PLEK2: variants seen among roughly 807,000 people sequenced by gnomAD.
The protein encoded by PLEK2 is pleckstrin-2.
PLEK2 carries 29 observed loss-of-function variants against 43.8 expected under a neutral mutation model. The ratio of observed to expected loss-of-function variants is 0.66; its 90% CI spans 0.49 to 0.90. PLEK2 has a LOEUF of 0.90. PLEK2 is among the 40% of genes least tolerant of loss of function. The pLI is 0.00. For missense variants in PLEK2, 398 were observed against 448.1 expected, an observed-to-expected ratio of 0.89 and a Z score of 1.01; for synonymous variants, 162 against 173.2, an observed-to-expected ratio of 0.94 and a Z score of 0.51.
At chr14:67,393,948 G>A (rs998758754) in intron 3 of PLEK2, among the ~76,000 whole-genome samples, 6 of 152,150 alleles carry the variant, frequency 3.9e-5, no homozygotes, top group African/African-American at 1.4e-4. Flanking sequence ...GTGATTCGCT[G>A]TCTCTAGGCC....
intron 1 of PLEK2, among the ~76,000 whole-genome samples, chr14:67,408,818 C>T (rs537725369): frequency 2.4e-4 from 36 of 152,250 alleles, no homozygotes; most frequent in Non-Finnish European, 4.9e-4. Context: ...TACATTTTAT[C>T]ACTTTACTCT....
chr14:67,396,199 G>C (rs1330680698), intron 2 of PLEK2, among the ~76,000 whole-genome samples: 1 of 151,718 alleles, frequency 6.6e-6, no homozygotes, highest in Non-Finnish European at 1.5e-5. Flanking sequence ...CCAGGCTGGA[G>C]TACAATGGTG....
At chr14:67,411,977 GC>G in intron 1 of PLEK2, 40 bp downstream of exon 1, 1 of 1,508,930 alleles carries the variant, frequency 6.6e-7, no homozygotes. Context: ...CGTCGGCGGG[GC>G]CCCACCCGGG....
chr14:67,397,663 G>A lies in PLEK2; in HGVS notation c.206C>T (p.Pro69Leu), dbSNP rs777210790. 30 of 1,609,022 alleles carry A rather than the reference G, an allele frequency of 1.9e-5. No individual in the cohort carries two copies. Among genetic ancestry groups the A allele is most frequent in the African/African-American group, 1.2e-4 (9 of 74,898 alleles). Reference protein sequence around the residue: ...TCPCLEYENRPLLIKLKTQTS... With the variant: ...TCPCLEYENRLLLIKLKTQTS... ...TGGACAGCAGGGGCCATCACTTACCGGTCGGTTTTCATACTCCAGGCAGGG... is the reference window on the plus strand; with the variant it reads ...TGGACAGCAGGGGCCATCACTTACCAGTCGGTTTTCATACTCCAGGCAGGG... Residue 69 changes from proline (P) to leucine (L), a missense_variant and splice_region_variant, in exon 2 of 9, where the codon CCG (proline) becomes CTG (leucine). Pro to Leu is a moderately conservative substitution (Grantham distance 98). Coordinates refer to ENST00000216446, the MANE Select transcript of PLEK2 (RefSeq NM_016445.3).
chr14:67,393,233 A>G lies in PLEK2; in HGVS notation c.398T>C (p.Val133Ala). ...GGTGTTGCTATCGTGCATCTTGTCCACAATGCGACTACATGGAAGGGAAGG... is the reference window on the plus strand; with the variant it reads ...GGTGTTGCTATCGTGCATCTTGTCCGCAATGCGACTACATGGAAGGGAAGG... ...LPPHISLHRIVDKMHDSNTGI... is the reference protein window; with the variant it reads ...LPPHISLHRIADKMHDSNTGI... The change falls in exon 4 of 9, where the codon GTG becomes GCG. Residue 133 changes from valine to alanine, a missense_variant. Physicochemically the swap from Val to Ala is moderately conservative, Grantham distance 64. Transcript: ENST00000216446. 6.2e-7 allele frequency: 1 copy of G among 1,612,728 alleles called. No individual in the cohort carries two copies. The highest frequency in any genetic ancestry group is 8.5e-7 in the Non-Finnish European group (1 of 1,178,748).
chr14:67,411,917 C>T, intron 1 of PLEK2, 101 bp downstream of exon 1: 2 of 1,113,168 alleles, frequency 1.8e-6, no homozygotes, highest in Non-Finnish European at 2.5e-6. Flanking sequence ...GGATGGGAAC[C>T]AGAGCATGCC....
At position 67,392,760 on chromosome 14, in the gene PLEK2, TCTC is replaced by T. The variant is rs770392317; in HGVS notation, c.568_570del (p.Glu190del). ...CGGACACCCACAGGCCTGAGGAAGTTCTCCTCCATGAGCATGGAGGCCAGGGTC... is the reference window on the plus strand; with the variant it reads ...CGGACACCCACAGGCCTGAGGAAGTTCTCCATGAGCATGGAGGCCAGGGTC... On this transcript the variant is annotated inframe_deletion, in exon 5 of 9. Coordinates refer to ENST00000216446, the MANE Select transcript of PLEK2 (RefSeq NM_016445.3). 2.2e-5 allele frequency: 36 copies of T among 1,613,902 alleles called. No individual in the cohort carries two copies. The highest frequency in any genetic ancestry group is 1.6e-4 in the Middle Eastern group (1 of 6,084).
rs146989539 is a variant in PLEK2, at chr14:67,388,233, C to T, written c.925G>A (p.Val309Ile). 17 of 1,610,910 alleles carry T rather than the reference C, an allele frequency of 1.1e-5. No individual in the cohort carries two copies. Among genetic ancestry groups the T allele is most frequent in the South Asian group, 4.4e-5 (4 of 90,974 alleles). Reference sequence around the variant, plus strand: ...TGAAGTTGTACCTTACCAGTGGGAACGCCATTATCTTCCAGAGCAGACACG... The same window carrying T: ...TGAAGTTGTACCTTACCAGTGGGAATGCCATTATCTTCCAGAGCAGACACG... ...SLVSALEDNG[V>I]PTGVKGNVQG... Residue 309 changes from valine to isoleucine, a missense_variant, in exon 8 of 9, where the codon GTT (valine) becomes ATT (isoleucine). Transcript: ENST00000216446.
At chr14:67,390,804 G>A (rs1256553440) in intron 6 of PLEK2, 58 bp from the exon 7 acceptor site, 2 of 1,186,396 alleles carry the variant, frequency 1.7e-6, no homozygotes, top group African/African-American at 1.5e-5. Context: ...CCTCTCTCCT[G>A]TATCTATGCA....
At chr14:67,404,978 A>C (rs1254897820) in intron 1 of PLEK2, among the ~76,000 whole-genome samples, 1 of 152,074 alleles carries the variant, frequency 6.6e-6, no homozygotes, top group Non-Finnish European at 1.5e-5. Context: ...TCACACCTGT[A>C]ATCCCAGAAT....
At chr14:67,392,625 T>A (rs1199164477) in intron 5 of PLEK2, 37 bp downstream of exon 5, 1 of 1,573,184 alleles carries the variant, frequency 6.4e-7, no homozygotes, top group Non-Finnish European at 8.7e-7. Flanking sequence ...CCTTAACTTT[T>A]GCCCTGGTGG....
In PLEK2 at chr14:67,393,171, T is replaced by C; in HGVS notation, c.460A>G (p.Thr154Ala). 5 of 1,613,484 alleles carry C rather than the reference T, an allele frequency of 3.1e-6. 1 individual carries two copies. The highest frequency in any genetic ancestry group is 4.2e-6 in the Non-Finnish European group (5 of 1,179,390). The stretch of plus-strand genomic sequence containing the variant: ...TCACCGAGGAAGGTCTTTTTATAGG[T>C]GCTTCCCTGCTCCATGTTGGGGCTT... ...RSSPNMEQGS[T>A]YKKTFLGSSL... The change falls in exon 4 of 9, where the codon ACC becomes GCC. Residue 154 changes from threonine (T) to alanine (A), a missense_variant. By Grantham distance (58) the Thr-to-Ala change is moderately conservative (BLOSUM62 0). Transcript: ENST00000216446.
In PLEK2 at chr14:67,387,068, A is replaced by G. The variant is rs900002305; in HGVS notation, c.*261T>C. The G allele has an allele frequency of 3.3e-6, 1 of 301,428 alleles. No individual in the cohort carries two copies. The highest frequency in any genetic ancestry group is 6.1e-6 in the Non-Finnish European group (1 of 164,620). The allele number at this position is 301,428 out of a possible 1,614,324, so 18.7% of individuals were successfully genotyped here. A position where few individuals can be genotyped will look rare whatever the true frequency, so the allele number is the denominator to read the frequency against. The stretch of plus-strand genomic sequence containing the variant: ...GGGAACCTACTTTGGTGCCCGAGGA[A>G]ATGGCTGTTTGTGATGCTGGGGAAA... On this transcript the variant is annotated 3_prime_UTR_variant, in exon 9 of 9. Coordinates refer to ENST00000216446, the MANE Select transcript of PLEK2 (RefSeq NM_016445.3).
intron 1 of PLEK2, among the ~76,000 whole-genome samples, chr14:67,401,594 A>G (rs1048606122): frequency 6.6e-6 from 1 of 152,186 alleles, no homozygotes; most frequent in African/African-American, 2.4e-5. Flanking sequence ...CTCAGGACAC[A>G]GTGAGGAGGT....
At chr14:67,392,998 G>A (rs377469737) in intron 4 of PLEK2, 149 bp from the exon 5 acceptor site, 21 of 866,180 alleles carry the variant, frequency 2.4e-5, no homozygotes, top group East Asian at 1.5e-4. Flanking sequence ...GCATAGAGCC[G>A]TGGCTGCACA....
chr14:67,395,812 AG>A (rs2086004391), intron 2 of PLEK2, among the ~76,000 whole-genome samples: 1 of 152,170 alleles, frequency 6.6e-6, no homozygotes, highest in African/African-American at 2.4e-5. Flanking sequence ...TAGTTACTGT[AG>A]GGCCTGCCTC....
chr14:67,402,134 A>AAAC (rs965328951), intron 1 of PLEK2, among the ~76,000 whole-genome samples: 1 of 152,170 alleles, frequency 6.6e-6, no homozygotes, highest in Non-Finnish European at 1.5e-5. Flanking sequence ...AGTCCATCTC[A>AAAC]AACAACAACA....
chr14:67,394,332 G>C (rs959793751), intron 3 of PLEK2, among the ~76,000 whole-genome samples: 2 of 151,918 alleles, frequency 1.3e-5, no homozygotes, highest in Non-Finnish European at 2.9e-5. Flanking sequence ...GGAGGTCAAG[G>C]CTGCAGTGAG....
In PLEK2 at chr14:67,397,650, G is replaced by A. The variant is rs748998116; in HGVS notation, c.207+12C>T. 6 of 1,604,092 alleles carry A rather than the reference G, an allele frequency of 3.7e-6. No individual in the cohort carries two copies. In the South Asian group the frequency reaches 6.8e-5, roughly 18 times the overall value. The stretch of plus-strand genomic sequence containing the variant: ...AACAGAGAGGAGCTGGACAGCAGGG[G>A]CCATCACTTACCGGTCGGTTTTCAT... On this transcript the variant is annotated intron_variant, in intron 2 of 8. Coordinates refer to ENST00000216446, the MANE Select transcript of PLEK2 (RefSeq NM_016445.3).
Sources: allele counts gnomAD v4.1 joint callset (sites outside exome capture counted in the v4.1 genomes callset), GRCh38; gene constraint gnomAD v4.1.1; transcripts MANE v1.5; gene names NCBI Gene and HGNC (gene_info 2026-07-23, HGNC 2026-07-21).